The following NELL1 variants were observed in gnomAD, a reference collection of about 807,000 sequenced individuals.
NELL1 encodes the protein protein kinase C-binding protein NELL1.
In NELL1, 76 loss-of-function variants were observed where a neutral mutation model predicts 107.4. The observed-to-expected ratio is 0.71, with a 90% CI of 0.59 to 0.86. The LOEUF (loss-of-function observed/expected upper bound fraction) is 0.86. NELL1 is among the 40% of genes least tolerant of loss of function. NELL1 has a pLI of 0.00. For synonymous variants in NELL1, 353 were observed against 341.2 expected (o/e 1.03, Z -0.38); for missense variants, 1,024 against 1,005.5 (o/e 1.02, Z -0.25).
intron 14 of NELL1, among the ~76,000 whole-genome samples, chr11:21,286,623 T>C (rs1030361862): frequency 6.6e-6 from 1 of 152,204 alleles, no homozygotes; most frequent in Non-Finnish European, 1.5e-5. Flanking sequence ...TATTTAGCAA[T>C]GGGGGTTTAT....
At chr11:20,853,220 T>G (rs1848823319) in intron 4 of NELL1, among the ~76,000 whole-genome samples, 1 of 152,068 alleles carries the variant, frequency 6.6e-6, no homozygotes, top group Non-Finnish European at 1.5e-5. Context: ...TGAGGGAAGG[T>G]CTGTAGGGAG....
chr11:21,383,539 A>G (rs1269328565), intron 15 of NELL1, among the ~76,000 whole-genome samples: 1 of 151,746 alleles, frequency 6.6e-6, no homozygotes, highest in Non-Finnish European at 1.5e-5. Context: ...CTTCTCCTTA[A>G]AGAAATCTTA....
chr11:21,217,011 G>A (rs903642482), intron 13 of NELL1, among the ~76,000 whole-genome samples: 4 of 152,274 alleles, frequency 2.6e-5, no homozygotes, highest in South Asian at 2.1e-4. Context: ...TGTGTTGTAG[G>A]AGGGACCCAG....
intron 15 of NELL1, among the ~76,000 whole-genome samples, chr11:21,508,016 G>A (rs962252867): frequency 2.7e-4 from 41 of 151,790 alleles, no homozygotes; most frequent in African/African-American, 9.4e-4. Context: ...TCCTGACCTC[G>A]TGATCCACCT....
intron 12 of NELL1, among the ~76,000 whole-genome samples, chr11:21,001,364 C>T (rs1049604617): frequency 8.6e-5 from 13 of 151,704 alleles, no homozygotes; most frequent in African/African-American, 3.1e-4. Context: ...CTAGTGAGAA[C>T]AGCCTCAAGG....
intron 13 of NELL1, among the ~76,000 whole-genome samples, chr11:21,187,018 A>T (rs747475021): frequency 1.3e-5 from 2 of 151,896 alleles, no homozygotes; most frequent in Non-Finnish European, 2.9e-5. Flanking sequence ...AAATAATAAT[A>T]TTCCGCTTGA....
chr11:21,199,344 A>T (rs1857217426), intron 13 of NELL1, among the ~76,000 whole-genome samples: 1 of 152,176 alleles, frequency 6.6e-6, no homozygotes, highest in Admixed American at 6.5e-5. Flanking sequence ...AGTACCCTCC[A>T]GGACATGTGG....
intron 16 of NELL1, among the ~76,000 whole-genome samples, chr11:21,535,681 A>G (rs1856119003): frequency 6.6e-6 from 1 of 152,144 alleles, no homozygotes; most frequent in African/African-American, 2.4e-5. Context: ...ATTTTTATCC[A>G]GTCTGTATTT....
rs1328318738 is a variant in NELL1 at position 21,575,641 on chromosome 11, AATCAAAGAAT to A, written c.*621_*630del. On this transcript the variant is annotated 3_prime_UTR_variant, in exon 20 of 20. Coordinates refer to ENST00000357134, the MANE Select transcript of NELL1 (RefSeq NM_006157.5). ...CAAAGAGGGGAAGGGCCAAAAACAT[AATCAAAGAAT>A]AATTTTAAAGAGAATTCTTGTCTCT... 1 of 151,916 alleles carries A rather than the reference AATCAAAGAAT, an allele frequency of 6.6e-6. No homozygotes were observed. Among genetic ancestry groups the A allele is most frequent in the Non-Finnish European group, 1.5e-5 (1 of 67,888 alleles). The allele number at this position is 151,916 out of a possible 1,614,324, so 9.4% of individuals were successfully genotyped here.
At chr11:21,430,138 G>A (rs1177180026) in intron 15 of NELL1, among the ~76,000 whole-genome samples, 1 of 152,088 alleles carries the variant, frequency 6.6e-6, no homozygotes, top group Non-Finnish European at 1.5e-5. Flanking sequence ...AAGATATTAA[G>A]CTATTGGTAT....
At chr11:20,976,483 C>T (rs528704064) in intron 12 of NELL1, among the ~76,000 whole-genome samples, 1 of 152,172 alleles carries the variant, frequency 6.6e-6, no homozygotes, top group South Asian at 2.1e-4. Flanking sequence ...TTAAATGTTT[C>T]AGCTGTGTTT....
chr11:21,519,746 C>T (rs1264364077), intron 15 of NELL1, among the ~76,000 whole-genome samples: 1 of 151,998 alleles, frequency 6.6e-6, no homozygotes, highest in African/African-American at 2.4e-5. Flanking sequence ...TTGACTGAAA[C>T]GTACCTGGAA....
chr11:20,963,843 T>C (rs188711193), intron 12 of NELL1, among the ~76,000 whole-genome samples: 1 of 152,076 alleles, frequency 6.6e-6, no homozygotes, highest in Non-Finnish European at 1.5e-5. Context: ...ATTACACACA[T>C]TGTCCAGGCC....
rs1241657679 is a variant in NELL1, at chr11:21,229,364, T to C, written c.1459T>C (p.Cys487Arg). The C allele has an allele frequency of 6.2e-7, 1 of 1,613,952 alleles. No individual in the cohort carries two copies. Among genetic ancestry groups the C allele is most frequent in the Non-Finnish European group, 8.5e-7 (1 of 1,179,902 alleles). Reference sequence around the variant, plus strand: ...TGAATGTGGCAGCGGCCAGCACAACTGTGATGAGAATGCCATCTGCACCAA... The same window carrying C: ...TGAATGTGGCAGCGGCCAGCACAACCGTGATGAGAATGCCATCTGCACCAA... The part of the protein sequence containing the change: ...HDECGSGQHN[C>R]DENAICTNTV... The change falls in exon 14 of 20, where the codon TGT becomes CGT. Residue 487 changes from cysteine to arginine, a missense_variant. Cys to Arg is a radical substitution (Grantham distance 180). Coordinates refer to ENST00000357134, the MANE Select transcript of NELL1 (RefSeq NM_006157.5).
At chr11:21,422,016 A>AT (rs955031553) in intron 15 of NELL1, among the ~76,000 whole-genome samples, 16 of 152,178 alleles carry the variant, frequency 1.1e-4, no homozygotes, top group African/African-American at 3.9e-4. Context: ...AAGAAAAAAA[A>AT]GTAACTGTCA....
chr11:21,090,338 C>T (rs896439009), intron 12 of NELL1, among the ~76,000 whole-genome samples: 1 of 152,064 alleles, frequency 6.6e-6, no homozygotes, highest in Non-Finnish European at 1.5e-5. Context: ...ATAGTACAGC[C>T]ATGATGTGGA....
chr11:21,116,310 T>C (rs1230402953), intron 13 of NELL1, among the ~76,000 whole-genome samples: 2 of 151,890 alleles, frequency 1.3e-5, no homozygotes, highest in African/African-American at 4.8e-5. Context: ...TGCTGACTTC[T>C]GAAAGGTTAG....
chr11:21,404,013 C>CCA (rs1554905751), intron 15 of NELL1, among the ~76,000 whole-genome samples: 1 of 115,134 alleles, frequency 8.7e-6, no homozygotes, highest in Non-Finnish European at 1.9e-5. Flanking sequence ...GAACCCCCCC[C>CCA]CCCGCAATCA....
At chr11:21,032,698 T>G (rs1027886008) in intron 12 of NELL1, among the ~76,000 whole-genome samples, 1 of 152,198 alleles carries the variant, frequency 6.6e-6, no homozygotes, top group South Asian at 2.1e-4. Flanking sequence ...ATGTAGGATG[T>G]TTTAAGTCCA....
Sources: gnomAD v4.1 joint callset for allele counts (sites outside exome capture counted in the v4.1 genomes callset) on GRCh38, gnomAD v4.1.1 for gene constraint, MANE v1.5 for transcripts, NCBI Gene and HGNC (gene_info 2026-07-23, HGNC 2026-07-21) for gene names.